Variants in ZFP14 observed in about 807,000 individuals in gnomAD.
The protein encoded by ZFP14 is ZFP14 zinc finger protein.
A neutral mutation model predicts 54.5 loss-of-function variants in ZFP14; 22 were observed. The ratio of observed to expected loss-of-function variants is 0.40; its 90% CI spans 0.29 to 0.58. The LOEUF is 0.58. ZFP14 is among the 20% of genes least tolerant of loss of function. The pLI, the probability that ZFP14 is intolerant of heterozygous loss-of-function variation, is 0.39. For missense variants in ZFP14, 470 were observed against 637.8 expected (o/e 0.74, Z 2.83); for synonymous variants, 159 against 204.0 (o/e 0.78, Z 1.88).
chr19:36,339,746 A>C lies in ZFP14; in HGVS notation c.*478T>G, dbSNP rs1005263207. ...CAGATGAGACCTCAGCCCTGGCTGA[A>C]ATCTGTAGCCTTGCAAGAGACCCTG... On this transcript the variant is annotated 3_prime_UTR_variant, in exon 5 of 5. Transcript: ENST00000270001. 1 of 153,682 alleles carries C rather than the reference A, an allele frequency of 6.5e-6. No homozygotes were observed. The highest frequency in any genetic ancestry group is 1.4e-5 in the Non-Finnish European group (1 of 69,132). 9.5% of individuals were successfully genotyped at this position (153,682 alleles called of 1,614,324 possible).
intron 4 of ZFP14, among the ~76,000 whole-genome samples, chr19:36,350,200 T>C (rs1600071814): frequency 1.4e-5 from 2 of 140,222 alleles, no homozygotes; most frequent in African/African-American, 5.2e-5. Context: ...GTCTAACATA[T>C]GTGTAACTCA....
intron 2 of ZFP14, among the ~76,000 whole-genome samples, chr19:36,367,134 A>G (rs1252620173): frequency 1.3e-5 from 2 of 150,768 alleles, no homozygotes; most frequent in Admixed American, 6.6e-5. Flanking sequence ...AGCCTGGGTG[A>G]TAAGAGTGAA....
chr19:36,334,614 C>T lies in ZFP14; in HGVS notation c.*5610G>A, dbSNP rs994535158. Reference sequence around the variant, plus strand: ...ACTAACCATCCATTAAAGCAGGTAGCTACTTTCAGAGCATGATATGAGCTG... The same window carrying T: ...ACTAACCATCCATTAAAGCAGGTAGTTACTTTCAGAGCATGATATGAGCTG... On this transcript the variant is annotated 3_prime_UTR_variant, in exon 5 of 5. Transcript: ENST00000270001. 2 of 152,162 alleles carry T rather than the reference C, an allele frequency of 1.3e-5. No homozygotes were observed. Among genetic ancestry groups the T allele is most frequent in the African/African-American group, 4.8e-5 (2 of 41,430 alleles). 9.4% of individuals were successfully genotyped at this position (152,162 alleles called of 1,614,324 possible). A position where few individuals can be genotyped will look rare whatever the true frequency, so the allele number is the denominator to read the frequency against.
At chr19:36,364,644 T>C (rs2031763424) in intron 2 of ZFP14, among the ~76,000 whole-genome samples, 1 of 152,010 alleles carries the variant, frequency 6.6e-6, no homozygotes, top group African/African-American at 2.4e-5. Context: ...CCCAATTACA[T>C]CCCTACCCAA....
At chr19:36,350,708 A>G (rs2031509737) in intron 4 of ZFP14, among the ~76,000 whole-genome samples, 1 of 142,812 alleles carries the variant, frequency 7.0e-6, no homozygotes, top group Non-Finnish European at 1.5e-5. Flanking sequence ...TGGGATTTTT[A>G]CATTTCACTG....
In ZFP14 at chr19:36,338,033, A is replaced by C. The variant is rs889179203; in HGVS notation, c.*2191T>G. On this transcript the variant is annotated 3_prime_UTR_variant, in exon 5 of 5. Transcript: ENST00000270001. Reference sequence around the variant, plus strand: ...AATTTTTTTTTTGAGACAGGGTCTCACTCTGTCACCCAGGCTGGAGTGCAG... The same window carrying C: ...AATTTTTTTTTTGAGACAGGGTCTCCCTCTGTCACCCAGGCTGGAGTGCAG... 3.3e-5 allele frequency: 5 copies of C among 152,070 alleles called. No homozygotes were observed. Among genetic ancestry groups the C allele is most frequent in the African/African-American group, 1.2e-4 (5 of 41,400 alleles). 9.4% of individuals were successfully genotyped at this position (152,070 alleles called of 1,614,324 possible).
chr19:36,340,459 T>G lies in ZFP14; in HGVS notation c.1367A>C (p.Glu456Ala), dbSNP rs1184738333. The change falls in exon 5 of 5, where the codon GAA becomes GCA. Residue 456 changes from glutamate to alanine, a missense_variant. Transcript: ENST00000270001. The surrounding 1 kb of genome is among the most constrained non-coding windows in gnomAD (Gnocchi z 5.4). ...HTGEKPYECK[E>A]CRKPFRLLSQ... ...GAGCAGTCTAAAAGGTTTTCTACAT[T>G]CCTTACATTCATAAGGTTTCTCACC... is the stretch of plus-strand genomic sequence containing the variant. 1.2e-6 allele frequency: 2 copies of G among 1,613,916 alleles called. No individual in the cohort carries two copies. Among genetic ancestry groups the G allele is most frequent in the Non-Finnish European group, 1.7e-6 (2 of 1,179,820 alleles).
rs1193771077 is a variant in ZFP14, at chr19:36,362,208, C to T, written c.40G>A (p.Asp14Asn). ...AATTCCCATTCTTCCTGTGAGAAGT[C>T]TATGGCCACATCCCTGAATGTCACT... ...GSVTFRDVAI[D>N]FSQEEWEFLD... The change falls in exon 3 of 5, where the codon GAC becomes AAC. Residue 14 changes from aspartate (D) to asparagine (N), a missense_variant. Physicochemically the swap from Asp to Asn is conservative, Grantham distance 23 (BLOSUM62 1). Transcript: ENST00000270001. The T allele has an allele frequency of 1.2e-6, 2 of 1,611,850 alleles. No homozygotes were observed. Among genetic ancestry groups the T allele is most frequent in the Non-Finnish European group, 1.7e-6 (2 of 1,179,156 alleles).
intron 4 of ZFP14, among the ~76,000 whole-genome samples, chr19:36,358,625 G>A (rs774223436): frequency 1.3e-5 from 2 of 151,746 alleles, no homozygotes; most frequent in Non-Finnish European, 2.9e-5. Context: ...TTTTAAATAG[G>A]TGCCCCTTAC....
At chr19:36,363,343 G>A (rs971461790) in intron 2 of ZFP14, among the ~76,000 whole-genome samples, 23 of 151,636 alleles carry the variant, frequency 1.5e-4, no homozygotes, top group Admixed American at 2.6e-4. Flanking sequence ...ACACGCATCC[G>A]CCACCACGCC....
intron 1 of ZFP14, among the ~76,000 whole-genome samples, chr19:36,372,667 A>T (rs1052501859): frequency 6.6e-6 from 1 of 152,204 alleles, no homozygotes; most frequent in East Asian, 1.9e-4. Context: ...CTAAAAATAG[A>T]ACTACCATAT....
intron 1 of ZFP14, among the ~76,000 whole-genome samples, chr19:36,368,355 C>A (rs2145561148): frequency 6.6e-6 from 1 of 152,296 alleles, no homozygotes; most frequent in Admixed American, 6.5e-5. Flanking sequence ...GTAATCCCAG[C>A]TACTCGGGAG....
intron 4 of ZFP14, among the ~76,000 whole-genome samples, chr19:36,355,511 T>A (rs1245503359): frequency 7.2e-6 from 1 of 139,740 alleles, no homozygotes; most frequent in Non-Finnish European, 1.6e-5. Context: ...GATCTCTGTC[T>A]CTATAAATTT....
chr19:36,368,853 AT>A (rs370601085), intron 1 of ZFP14, among the ~76,000 whole-genome samples: 26 of 151,364 alleles, frequency 1.7e-4, no homozygotes, highest in South Asian at 6.3e-4. Flanking sequence ...TTATTGATTA[AT>A]TTTTTTTTAG....
At chr19:36,344,827 G>A (rs1374978367) in intron 4 of ZFP14, among the ~76,000 whole-genome samples, 6 of 152,046 alleles carry the variant, frequency 3.9e-5, no homozygotes, top group Admixed American at 3.9e-4. Flanking sequence ...ATTTTCTCCC[G>A]CCCCAGTCCA....
rs972697841 is a variant in ZFP14 at position 36,335,743 on chromosome 19, T to A, written c.*4481A>T. On this transcript the variant is annotated 3_prime_UTR_variant, in exon 5 of 5. Transcript: ENST00000270001. ...ATGTATAGTTTTACCATATTATGTT[T>A]ATTATTTTTGAGACAGGTTCTCACT... 3.9e-5 allele frequency: 6 copies of A among 152,174 alleles called. No individual in the cohort carries two copies. Among genetic ancestry groups the A allele is most frequent in the Non-Finnish European group, 5.9e-5 (4 of 68,040 alleles). 9.4% of individuals were successfully genotyped at this position (152,174 alleles called of 1,614,324 possible). A position where few individuals can be genotyped will look rare whatever the true frequency, so the allele number is the denominator to read the frequency against.
intron 1 of ZFP14, among the ~76,000 whole-genome samples, chr19:36,372,607 T>C (rs1331621751): frequency 1.3e-5 from 2 of 151,946 alleles, no homozygotes; most frequent in Admixed American, 6.5e-5. Context: ...AACCCCAACA[T>C]TTTGGGAAGC....
intron 4 of ZFP14, among the ~76,000 whole-genome samples, chr19:36,354,056 C>A: frequency 9.5e-6 from 1 of 105,040 alleles, no homozygotes; most frequent in Non-Finnish European, 1.9e-5. Flanking sequence ...GCCTGGGCAA[C>A]AGAACAAGAC....
rs560604869 is a variant in ZFP14 at position 36,339,706 on chromosome 19, C to T, written c.*518G>A. 6.5e-6 allele frequency: 1 copy of T among 152,856 alleles called. No homozygotes were observed. The highest frequency in any genetic ancestry group is 2.1e-4 in the South Asian group (1 of 4,842). 9.5% of individuals were successfully genotyped at this position (152,856 alleles called of 1,614,324 possible). On this transcript the variant is annotated 3_prime_UTR_variant, in exon 5 of 5. Transcript: ENST00000270001. ...TATGTTAGTCTGGATGTGGATCCTT[C>T]CCCAGTTGAGCCTTCAGATGAGACC...
Sources: gnomAD v4.1 joint callset for allele counts (sites outside exome capture counted in the v4.1 genomes callset) on GRCh38, gnomAD v4.1.1 for gene constraint, Gnocchi (gnomAD v3.1) non-coding constraint, MANE v1.5 for transcripts, NCBI Gene and HGNC (gene_info 2026-07-23, HGNC 2026-07-21) for gene names.